The following SSH2 variants were observed in gnomAD, a reference collection of about 807,000 sequenced individuals.
The protein encoded by SSH2 is slingshot protein phosphatase 2.
SSH2 carries 37 observed loss-of-function variants against 135.2 expected under a neutral mutation model. The ratio of observed to expected loss-of-function variants is 0.27; its 90% CI spans 0.21 to 0.36. The LOEUF (loss-of-function observed/expected upper bound fraction) is 0.36, where lower values mean the gene tolerates loss of function less well. Ranked by LOEUF, SSH2 falls within the 10% of genes least tolerant of loss-of-function variation. SSH2 has a pLI of 1.00. For synonymous variants in SSH2, 628 were observed against 646.2 expected, an observed-to-expected ratio of 0.97 and a Z score of 0.43; for missense variants, 1,408 against 1,765.3, an observed-to-expected ratio of 0.80 and a Z score of 3.63.
rs1182808624 is a variant in SSH2, at chr17:29,760,726, T to TA, written c.188+33167dup. 6.5e-3 allele frequency among the ~76,000 whole-genome samples: 925 copies of TA among 142,598 alleles called. 14 individuals are homozygous for TA. The highest frequency in any genetic ancestry group is 0.033 in the Admixed American group (477 of 14,352). The allele number at this position is 142,598 out of a possible 152,430, so 93.5% of individuals were successfully genotyped here. ...TGTAAATGGTTAGCAATAGAAACTT[T>TA]AAAAAAAAAAAACCCATAATCACGG... On this transcript the variant is annotated intron_variant, in intron 3 of 15. Transcript: ENST00000540801.
At chr17:29,926,390 T>TAG in intron 1 of SSH2, among the ~76,000 whole-genome samples, 1 of 146,122 alleles carries the variant, frequency 6.8e-6, no homozygotes, top group Non-Finnish European at 1.5e-5. Context: ...AAAAAAAAAA[T>TAG]ACAAAATACA....
At chr17:29,690,183 C>G (rs1672236192) in intron 5 of SSH2, among the ~76,000 whole-genome samples, 1 of 152,028 alleles carries the variant, frequency 6.6e-6, no homozygotes, top group Non-Finnish European at 1.5e-5. Flanking sequence ...GCGGGCAGAT[C>G]ACCTGAGGTC....
At chr17:29,731,657 T>C (rs2040204870) in intron 3 of SSH2, among the ~76,000 whole-genome samples, 1 of 152,230 alleles carries the variant, frequency 6.6e-6, no homozygotes, top group East Asian at 1.9e-4. Flanking sequence ...GGTTTCACCA[T>C]GTTGGCCAGG....
chr17:29,756,527 C>A (rs1037507996), intron 3 of SSH2, among the ~76,000 whole-genome samples: 2 of 136,124 alleles, frequency 1.5e-5, no homozygotes, highest in Non-Finnish European at 3.1e-5. Context: ...AGACAGGGTC[C>A]TGCTACATTG....
chr17:29,843,246 T>G (rs1188535560), intron 2 of SSH2, among the ~76,000 whole-genome samples: 1 of 152,132 alleles, frequency 6.6e-6, no homozygotes, highest in African/African-American at 2.4e-5. Context: ...ATTTAATTAC[T>G]ATAGCAGGCT....
At position 29,676,879 on chromosome 17, in the gene SSH2, G is replaced by A. The variant is rs2037744007; in HGVS notation, c.555C>T (p.Phe185=). 1.9e-6 allele frequency: 3 copies of A among 1,613,466 alleles called. No individual in the cohort carries two copies. Among genetic ancestry groups the A allele is most frequent in the Non-Finnish European group, 2.5e-6 (3 of 1,179,694 alleles). ...TLIHLDGDGG[F]SVSTDNRVHI... is the part of the protein sequence containing the mutation. Reference sequence around the variant, plus strand: ...GAACTCTGTTATCCGTCGATACACTGAACCCACTAAGGACAAATGAGAACA... The same window carrying A: ...GAACTCTGTTATCCGTCGATACACTAAACCCACTAAGGACAAATGAGAACA... Residue 185 remains phenylalanine, a synonymous_variant, in exon 8 of 16, where the codon TTC becomes TTT. Coordinates refer to ENST00000540801, the MANE Select transcript of SSH2 (RefSeq NM_001282129.2).
chr17:29,715,583 T>C (rs1056938393), intron 3 of SSH2, among the ~76,000 whole-genome samples: 2 of 152,142 alleles, frequency 1.3e-5, no homozygotes, highest in Non-Finnish European at 2.9e-5. Context: ...CTACAGTCTA[T>C]TCTCTTTGCT....
At chr17:29,901,720 TTTTC>T (rs1049994240) in intron 1 of SSH2, among the ~76,000 whole-genome samples, 8 of 151,662 alleles carry the variant, frequency 5.3e-5, no homozygotes, top group African/African-American at 1.9e-4. Flanking sequence ...CCCTCCTTCC[TTTTC>T]TTTCTTTCTC....
chr17:29,886,397 A>G (rs1272724318), intron 1 of SSH2, among the ~76,000 whole-genome samples: 1 of 152,066 alleles, frequency 6.6e-6, no homozygotes, highest in Non-Finnish European at 1.5e-5. Flanking sequence ...TGATTTAGGT[A>G]TCTGGTGGAA....
chr17:29,831,969 G>A (rs115060674), intron 2 of SSH2, among the ~76,000 whole-genome samples: 1,534 of 152,172 alleles, frequency 0.01, 18 homozygotes, highest in African/African-American at 0.032. Context: ...TAATCAGAGC[G>A]TATATGTAAG....
chr17:29,807,543 T>C (rs1465006074), intron 2 of SSH2, among the ~76,000 whole-genome samples: 3 of 152,214 alleles, frequency 2.0e-5, no homozygotes, highest in African/African-American at 7.2e-5. Flanking sequence ...TTCATCTGCC[T>C]GTTTTATCTG....
intron 3 of SSH2, among the ~76,000 whole-genome samples, chr17:29,714,032 C>A (rs2039531127): frequency 6.6e-6 from 1 of 152,118 alleles, no homozygotes; most frequent in Non-Finnish European, 1.5e-5. Context: ...TCAAAGGAAC[C>A]CATTTCCCTT....
At chr17:29,907,914 G>A (rs1176717454) in intron 1 of SSH2, among the ~76,000 whole-genome samples, 2 of 150,494 alleles carry the variant, frequency 1.3e-5, no homozygotes, top group Non-Finnish European at 2.9e-5. Flanking sequence ...TTGACCTCCT[G>A]GGCTCAAGCA....
chr17:29,734,111 TG>T (rs1274061341), intron 3 of SSH2, among the ~76,000 whole-genome samples: 1 of 152,052 alleles, frequency 6.6e-6, no homozygotes, highest in Non-Finnish European at 1.5e-5. Context: ...GAGATGGTGA[TG>T]GGGTTTCACC....
chr17:29,666,646 G>A (rs533755954), intron 11 of SSH2, among the ~76,000 whole-genome samples: 56 of 151,658 alleles, frequency 3.7e-4, no homozygotes, highest in African/African-American at 1.3e-3. Flanking sequence ...TCGTGCCACC[G>A]CACTCCAGCC....
chr17:29,822,832 T>A (rs2042677147), intron 2 of SSH2, among the ~76,000 whole-genome samples: 1 of 152,160 alleles, frequency 6.6e-6, no homozygotes, highest in African/African-American at 2.4e-5. Flanking sequence ...AAGGTAGGGA[T>A]AATCTTCACT....
intron 3 of SSH2, among the ~76,000 whole-genome samples, chr17:29,737,293 C>A (rs1390865869): frequency 6.6e-6 from 1 of 152,036 alleles, no homozygotes; most frequent in East Asian, 1.9e-4. Flanking sequence ...GCTTAACAGT[C>A]TTCTGACCAT....
chr17:29,696,174 T>A (rs3115084), intron 4 of SSH2, among the ~76,000 whole-genome samples: 1 of 137,126 alleles, frequency 7.3e-6, no homozygotes, highest in Non-Finnish European at 1.6e-5. Flanking sequence ...TGTATATATA[T>A]ACACACACAC....
rs528220292 is a variant in SSH2, at chr17:29,792,365, G to A, written c.188+1529C>T. Among the ~76,000 whole-genome samples, 955 of 152,140 alleles carry A rather than the reference G, an allele frequency of 6.3e-3. 3 individuals are homozygous for A. Among genetic ancestry groups the A allele is most frequent in the Non-Finnish European group, 0.011 (733 of 67,988 alleles). ...AGAGAGCTTTAAATCTGACCTTCTA[G>A]AAAATATAAGAATTATTTTTTCATT... On this transcript the variant is annotated intron_variant, in intron 3 of 15. Coordinates refer to ENST00000540801, the MANE Select transcript of SSH2 (RefSeq NM_001282129.2).
Sources: allele counts gnomAD v4.1 joint callset (sites outside exome capture counted in the v4.1 genomes callset), GRCh38; gene constraint gnomAD v4.1.1; transcripts MANE v1.5; gene names NCBI Gene and HGNC (gene_info 2026-07-23, HGNC 2026-07-21).